Variants in FERMT1 observed in about 807,000 individuals in gnomAD.
FERMT1 encodes the protein FERM domain containing kindlin 1, also known as fermitin family homolog 1.
In FERMT1, 60 loss-of-function variants were observed where a neutral mutation model predicts 85.3. The ratio of observed to expected loss-of-function variants is 0.70; its 90% CI spans 0.57 to 0.87. The LOEUF (loss-of-function observed/expected upper bound fraction) is 0.87. Ranked by LOEUF, FERMT1 falls within the 40% of genes least tolerant of loss-of-function variation. The pLI is 0.00. For synonymous variants in FERMT1, 275 were observed against 301.1 expected, an observed-to-expected ratio of 0.91 and a Z score of 0.90; for missense variants, 701 against 818.9, an observed-to-expected ratio of 0.86 and a Z score of 1.76.
At chr20:6,099,748 C>T (rs868662481) in intron 6 of FERMT1, among the ~76,000 whole-genome samples, 17 of 149,578 alleles carry the variant, frequency 1.1e-4, no homozygotes, top group Middle Eastern at 3.4e-3. Flanking sequence ...CTAGTCCCAG[C>T]GACTTGGGAG....
chr20:6,085,403 G>T, intron 11 of FERMT1, 116 bp from the exon 12 acceptor site: 1 of 862,006 alleles, frequency 1.2e-6, no homozygotes, highest in Non-Finnish European at 1.9e-6. Context: ...TTCCAAGCAA[G>T]ATGTGAAGTG....
intron 6 of FERMT1, among the ~76,000 whole-genome samples, chr20:6,100,945 TATAA>T (rs1360544234): frequency 4.6e-5 from 7 of 152,172 alleles, no homozygotes; most frequent in African/African-American, 1.4e-4. Context: ...ATATGAAACA[TATAA>T]ATAATTTAAT....
At chr20:6,114,377 A>C (rs1222131089) in intron 3 of FERMT1, among the ~76,000 whole-genome samples, 1 of 152,240 alleles carries the variant, frequency 6.6e-6, no homozygotes, top group Non-Finnish European at 1.5e-5. Context: ...AAATGCAATG[A>C]TTAGAAATGC....
intron 12 of FERMT1, 97 bp downstream of exon 12, chr20:6,084,969 A>G (rs1173110916): frequency 8.4e-7 from 1 of 1,185,268 alleles, no homozygotes; most frequent in Admixed American, 1.8e-5. Context: ...CTGGAATTAC[A>G]GGTGTGAGCC....
At position 6,089,004 on chromosome 20, in the gene FERMT1, G is replaced by A. The variant is rs768269556; in HGVS notation, c.1225C>T (p.Leu409Phe). The change falls in exon 10 of 15, where the codon CTT (leucine) becomes TTT (phenylalanine). Residue 409 changes from leucine (L) to phenylalanine (F), a missense_variant. By Grantham distance (22) the Leu-to-Phe change is conservative (BLOSUM62 0). Coordinates refer to ENST00000217289, the MANE Select transcript of FERMT1 (RefSeq NM_017671.5). Reference sequence around the variant, plus strand: ...TTTTCTAGTGGTTCTCCTTGTTCAAGTTCCTTATTTTTAAAGTATGCTATG... The same window carrying A: ...TTTTCTAGTGGTTCTCCTTGTTCAAATTCCTTATTTTTAAAGTATGCTATG... ...TSIAYFKNKE[L>F]EQGEPLEKLN... 2 of 1,611,996 alleles carry A rather than the reference G, an allele frequency of 1.2e-6. No individual in the cohort carries two copies. The highest frequency in any genetic ancestry group is 1.7e-6 in the Non-Finnish European group (2 of 1,178,392).
chr20:6,083,709 A>C (rs1288713355), intron 13 of FERMT1, among the ~76,000 whole-genome samples: 5 of 151,248 alleles, frequency 3.3e-5, no homozygotes, highest in South Asian at 2.1e-4. Flanking sequence ...AAAAAAACAA[A>C]AAAAAAAAAA....
intron 11 of FERMT1, among the ~76,000 whole-genome samples, chr20:6,087,462 C>G (rs532017933): frequency 2.0e-5 from 3 of 152,284 alleles, no homozygotes; most frequent in South Asian, 4.1e-4. Flanking sequence ...AGGCACCCAC[C>G]ACCATGCCTG....
chr20:6,092,863 TG>T (rs2123112582), intron 9 of FERMT1, among the ~76,000 whole-genome samples: 1 of 152,248 alleles, frequency 6.6e-6, no homozygotes, highest in Admixed American at 6.5e-5. Flanking sequence ...TCTGTGTGGC[TG>T]ATGCTGCGTT....
At chr20:6,092,036 G>T (rs2123111549) in intron 9 of FERMT1, among the ~76,000 whole-genome samples, 1 of 151,740 alleles carries the variant, frequency 6.6e-6, no homozygotes, top group East Asian at 1.9e-4. Context: ...TGCTTCCCAG[G>T]CTCAAGCGAT....
At chr20:6,078,133 G>A (rs1480441763) in intron 14 of FERMT1, among the ~76,000 whole-genome samples, 1 of 152,192 alleles carries the variant, frequency 6.6e-6, no homozygotes, top group East Asian at 1.9e-4. Flanking sequence ...GAAATCACTT[G>A]TGGACCTTTA....
intron 6 of FERMT1, among the ~76,000 whole-genome samples, chr20:6,098,373 G>T (rs1982566671): frequency 6.6e-6 from 1 of 152,122 alleles, no homozygotes; most frequent in Non-Finnish European, 1.5e-5. Context: ...GTTGAGGCTG[G>T]TGGAAGACAT....
chr20:6,078,191 G>A (rs1981886986), intron 14 of FERMT1, among the ~76,000 whole-genome samples: 1 of 152,160 alleles, frequency 6.6e-6, no homozygotes, highest in South Asian at 2.1e-4. Flanking sequence ...AGATTTAACT[G>A]GCCTTGGGTG....
rs1233878131 is a variant in FERMT1, at chr20:6,085,116, G to A, written c.1543C>T (p.Pro515Ser). The A allele has an allele frequency of 6.2e-7, 1 of 1,614,028 alleles. No homozygotes were observed. The highest frequency in any genetic ancestry group is 2.2e-5 in the East Asian group (1 of 44,900). ...CACCGTGGTGACACAAAACATTCTG[G>A]GTTCATATCCATGTTTTCGAGACTG... is the stretch of plus-strand genomic sequence containing the variant. ...ASSLENMDMN[P>S]ECFVSPRCAK... Residue 515 changes from proline (P) to serine (S), a missense_variant, in exon 12 of 15, where the codon CCA (proline) becomes TCA (serine). Physicochemically the swap from Pro to Ser is moderately conservative, Grantham distance 74 (BLOSUM62 -1). Coordinates refer to ENST00000217289, the MANE Select transcript of FERMT1 (RefSeq NM_017671.5).
At position 6,077,015 on chromosome 20, in the gene FERMT1, T is replaced by A; in HGVS notation, c.*158A>T. 1.3e-6 allele frequency: 1 copy of A among 744,728 alleles called. No individual in the cohort carries two copies. Among genetic ancestry groups the A allele is most frequent in the Non-Finnish European group, 2.3e-6 (1 of 426,270 alleles). 46.1% of individuals were successfully genotyped at this position (744,728 alleles called of 1,614,324 possible). A position where few individuals can be genotyped will look rare whatever the true frequency, so the allele number is the denominator to read the frequency against. ...GCACAGGGCAAAGTAAGGAAAGGGATGTGCCAGCAGTGGGTTTGAATGAGG... is the reference window on the plus strand; with the variant it reads ...GCACAGGGCAAAGTAAGGAAAGGGAAGTGCCAGCAGTGGGTTTGAATGAGG... On this transcript the variant is annotated 3_prime_UTR_variant, in exon 15 of 15. Transcript: ENST00000217289.
chr20:6,107,892 G>T (rs1168584933), intron 5 of FERMT1, among the ~76,000 whole-genome samples: 1 of 152,184 alleles, frequency 6.6e-6, no homozygotes, highest in African/African-American at 2.4e-5. Context: ...TTGAGCCAGA[G>T]TCTTGCTCTA....
At chr20:6,112,431 G>A in intron 4 of FERMT1, 46 bp downstream of exon 4, 1 of 1,594,518 alleles carries the variant, frequency 6.3e-7, no homozygotes, top group Non-Finnish European at 8.6e-7. Flanking sequence ...TCTCTCTTGA[G>A]TTTTACTGTA....
intron 1 of FERMT1, among the ~76,000 whole-genome samples, chr20:6,122,212 A>G (rs1048989861): frequency 2.6e-5 from 4 of 152,160 alleles, no homozygotes; most frequent in Admixed American, 6.5e-5. Context: ...TTCCTTTCCT[A>G]TCTTTCTGTG....
rs890053484 is a variant in FERMT1, at chr20:6,116,518, A to G, written c.152-474T>C. On this transcript the variant is annotated intron_variant, in intron 2 of 14. Transcript: ENST00000217289. ...CTGATGCAAGCGATCACCTGAGGTC[A>G]GGAGTTCGAGACCAGCCCGGCCTAC... 2.0e-5 allele frequency among the ~76,000 whole-genome samples: 3 copies of G among 152,280 alleles called. No individual in the cohort carries two copies. The South Asian group carries it at 6.2e-4, about 32-fold the overall frequency.
rs1226730740 is a variant in FERMT1, at chr20:6,075,545, T to A, written c.*1628A>T. 2.0e-5 allele frequency: 3 copies of A among 152,344 alleles called. No homozygotes were observed. Among genetic ancestry groups the A allele is most frequent in the African/African-American group, 7.2e-5 (3 of 41,464 alleles). 9.4% of individuals were successfully genotyped at this position (152,344 alleles called of 1,614,324 possible). A position where few individuals can be genotyped will look rare whatever the true frequency, so the allele number is the denominator to read the frequency against. On this transcript the variant is annotated 3_prime_UTR_variant, in exon 15 of 15. Coordinates refer to ENST00000217289, the MANE Select transcript of FERMT1 (RefSeq NM_017671.5). ...GGGTGCCTGGGAGGCTTCATTCACATTCACCTCTAAGGAGAGGCTAAAAGA... is the reference window on the plus strand; with the variant it reads ...GGGTGCCTGGGAGGCTTCATTCACAATCACCTCTAAGGAGAGGCTAAAAGA...
Sources: gnomAD v4.1 joint callset for allele counts (sites outside exome capture counted in the v4.1 genomes callset) on GRCh38, gnomAD v4.1.1 for gene constraint, MANE v1.5 for transcripts, NCBI Gene and HGNC (gene_info 2026-07-23, HGNC 2026-07-21) for gene names.